Variants in PPARGC1A observed in about 807,000 individuals in gnomAD.
PPARGC1A encodes the protein PPARG coactivator 1 alpha.
A neutral mutation model predicts 88.7 loss-of-function variants in PPARGC1A; 25 were observed. That is an observed-to-expected ratio of 0.28 (90% CI 0.21 to 0.39). PPARGC1A has a LOEUF of 0.39. PPARGC1A is among the 10% of genes least tolerant of loss of function. The pLI is 1.00. For synonymous variants in PPARGC1A, 363 were observed against 355.6 expected (o/e 1.02, Z -0.24); for missense variants, 880 against 968.7 (o/e 0.91, Z 1.22).
the PPARGC1A span, among the ~76,000 whole-genome samples, chr4:24,448,117 C>G: frequency 6.6e-6 from 1 of 152,136 alleles, no homozygotes; most frequent in Admixed American, 6.5e-5. Context: ...TAAATCTCCC[C>G]TTTAACCCAA....
the PPARGC1A span, among the ~76,000 whole-genome samples, chr4:24,055,917 T>C: frequency 2.0e-5 from 3 of 152,234 alleles, no homozygotes; most frequent in African/African-American, 4.8e-5. Context: ...GGGAACACTT[T>C]CGTCAGGTTG....
chr4:24,471,592 T>A, the PPARGC1A span, among the ~76,000 whole-genome samples: 1 of 152,134 alleles, frequency 6.6e-6, no homozygotes, highest in Admixed American at 6.5e-5. This position sits in a 1 kb window ranked among gnomAD's most constrained non-coding sequence, Gnocchi z 5.4. Context: ...AGGTTACCAG[T>A]GGCCCGCTGA....
chr4:24,145,818 G>A, the PPARGC1A span, among the ~76,000 whole-genome samples: 413 of 152,252 alleles, frequency 2.7e-3, 2 homozygotes, highest in African/African-American at 9.4e-3. Flanking sequence ...TTAATGATGA[G>A]CCTATTTATA....
the PPARGC1A span, among the ~76,000 whole-genome samples, chr4:24,298,124 A>G: frequency 2.6e-5 from 4 of 151,860 alleles, no homozygotes; most frequent in South Asian, 2.1e-4. Context: ...AGAAACTCCA[A>G]TTGGCCTCAT....
At chr4:23,910,423 TTA>T in the PPARGC1A span, among the ~76,000 whole-genome samples, 9 of 118,934 alleles carry the variant, frequency 7.6e-5, no homozygotes, top group Admixed American at 4.9e-4. Flanking sequence ...ATATATATTA[TTA>T]ATATAATATA....
At chr4:24,114,443 T>C in the PPARGC1A span, among the ~76,000 whole-genome samples, 1 of 151,838 alleles carries the variant, frequency 6.6e-6, no homozygotes, top group African/African-American at 2.4e-5. Flanking sequence ...AAAAACAGGG[T>C]TTTAACTGCT....
chr4:24,305,376 G>A, the PPARGC1A span, among the ~76,000 whole-genome samples: 1 of 152,028 alleles, frequency 6.6e-6, no homozygotes, highest in Non-Finnish European at 1.5e-5. Context: ...CTATCTGTGT[G>A]ACTTTGGGCA....
At chr4:24,112,031 T>C in the PPARGC1A span, among the ~76,000 whole-genome samples, 1 of 151,912 alleles carries the variant, frequency 6.6e-6, no homozygotes, top group Non-Finnish European at 1.5e-5. Flanking sequence ...AATAAAGCCT[T>C]TGGAAGACAG....
At chr4:23,831,323 A>G (rs1577430452) in intron 3 of PPARGC1A, among the ~76,000 whole-genome samples, 1 of 152,290 alleles carries the variant, frequency 6.6e-6, no homozygotes, top group South Asian at 2.1e-4. Context: ...AAAAATACAC[A>G]CACATAACAG....
At chr4:23,830,598 T>G (rs541287610) in intron 3 of PPARGC1A, among the ~76,000 whole-genome samples, 19 of 152,342 alleles carry the variant, frequency 1.2e-4, no homozygotes, top group African/African-American at 4.1e-4. Flanking sequence ...CCTCCATATA[T>G]TTGCATAGAG....
At chr4:24,077,020 C>T in the PPARGC1A span, among the ~76,000 whole-genome samples, 1 of 151,652 alleles carries the variant, frequency 6.6e-6, no homozygotes, top group Non-Finnish European at 1.5e-5. Context: ...TGGCTCAATG[C>T]CAAAAAAAAG....
chr4:23,815,372 A>C (rs1721785929), intron 7 of PPARGC1A, among the ~76,000 whole-genome samples: 1 of 152,198 alleles, frequency 6.6e-6, no homozygotes, highest in Non-Finnish European at 1.5e-5. Flanking sequence ...GTTCTGCAAC[A>C]GAAACCTAAG....
At chr4:24,243,419 A>T in the PPARGC1A span, among the ~76,000 whole-genome samples, 1 of 152,318 alleles carries the variant, frequency 6.6e-6, no homozygotes, top group South Asian at 2.1e-4. Flanking sequence ...TGCATCAGGA[A>T]TGGTCCAGAA....
the PPARGC1A span, among the ~76,000 whole-genome samples, chr4:24,001,686 G>A: frequency 1.3e-5 from 2 of 152,108 alleles, no homozygotes; most frequent in South Asian, 2.1e-4. Flanking sequence ...GGGTTGGAAA[G>A]AGAGGTATTA....
At chr4:24,335,084 C>T in the PPARGC1A span, among the ~76,000 whole-genome samples, 2 of 152,112 alleles carry the variant, frequency 1.3e-5, no homozygotes, top group South Asian at 2.1e-4. Context: ...CTATCGCATT[C>T]GGAGGAAATA....
chr4:24,050,259 G>T, the PPARGC1A span, among the ~76,000 whole-genome samples: 1 of 133,426 alleles, frequency 7.5e-6, no homozygotes, highest in Non-Finnish European at 1.5e-5. Flanking sequence ...ACTGTGGCAT[G>T]ATCTTGGCTC....
the PPARGC1A span, among the ~76,000 whole-genome samples, chr4:24,129,179 A>G: frequency 6.6e-6 from 1 of 152,208 alleles, no homozygotes; most frequent in Admixed American, 6.5e-5. Flanking sequence ...CAGTAATGGT[A>G]ATGGGGGGAA....
the PPARGC1A span, among the ~76,000 whole-genome samples, chr4:24,446,332 C>T: frequency 6.6e-6 from 1 of 152,168 alleles, no homozygotes; most frequent in Admixed American, 6.6e-5. Context: ...TGATTAGTGC[C>T]TTTGAGCACC....
chr4:24,104,679 A>G, the PPARGC1A span, among the ~76,000 whole-genome samples: 2 of 152,188 alleles, frequency 1.3e-5, no homozygotes, highest in African/African-American at 4.8e-5. Context: ...GAATCAGACA[A>G]TAAAGACAAA....
Sources: allele counts gnomAD v4.1 joint callset (sites outside exome capture counted in the v4.1 genomes callset), GRCh38; gene constraint gnomAD v4.1.1; non-coding constraint Gnocchi (gnomAD v3.1); transcripts MANE v1.5; gene names NCBI Gene and HGNC (gene_info 2026-07-23, HGNC 2026-07-21).